GNA14: variants seen among roughly 807,000 people sequenced by gnomAD.
GNA14 encodes the protein G protein subunit alpha 14.
Under a neutral mutation model 42.0 loss-of-function variants are expected in GNA14, and 50 were observed. That is an observed-to-expected ratio of 1.19 (90% confidence interval 0.95 to 1.51). The LOEUF (loss-of-function observed/expected upper bound fraction) is 1.51. GNA14 is among the 40% of genes most tolerant of loss of function. The probability of loss-of-function intolerance (pLI) is 0.00; values close to 1 mark genes in which losing one functional copy is unlikely to be tolerated. For missense variants in GNA14, 473 were observed against 446.2 expected (o/e 1.06, Z -0.54); for synonymous variants, 173 against 163.1 (o/e 1.06, Z -0.46).
rs1294763694 is a variant in GNA14 at position 77,647,657 on chromosome 9, C to G, written c.124+13G>C. ...ACGCCCGGCTCACTGGAGTCGGAGA[C>G]GCAGCCACTCACCCAGCAGCAGCAG... On this transcript the variant is annotated intron_variant, in intron 1 of 6. Transcript: ENST00000341700. 8 of 1,605,232 alleles carry G rather than the reference C, an allele frequency of 5.0e-6. 1 individual carries two copies. The Admixed American group carries it at 1.4e-4, about 27-fold the overall frequency.
At chr9:77,430,672 T>A (rs1454266068) in intron 4 of GNA14, among the ~76,000 whole-genome samples, 1 of 152,192 alleles carries the variant, frequency 6.6e-6, no homozygotes, top group Non-Finnish European at 1.5e-5. Flanking sequence ...TGTGTGATAA[T>A]TGTTAGGAGG....
intron 2 of GNA14, among the ~76,000 whole-genome samples, chr9:77,475,489 C>T (rs772505211): frequency 3.3e-5 from 5 of 152,142 alleles, no homozygotes; most frequent in East Asian, 3.9e-4. Flanking sequence ...GGGGCTTAGG[C>T]CCTAGGAGAA....
rs549683293 is a variant in GNA14 at position 77,434,642 on chromosome 9, G to A, written c.310-120C>T. 6.3e-5 allele frequency: 52 copies of A among 821,102 alleles called. 1 individual carries two copies. The highest frequency in any genetic ancestry group is 6.0e-4 in the African/African-American group (35 of 58,270). 50.9% of individuals were successfully genotyped at this position (821,102 alleles called of 1,614,324 possible). ...GGAGAGCTCTCACTAGGCATGGGGC[G>A]TGGTGGGCACCCTCCCAGGGGCCGC... On this transcript the variant is annotated intron_variant, in intron 2 of 6. Transcript: ENST00000341700.
chr9:77,458,902 G>GGA (rs1384585496), intron 2 of GNA14, among the ~76,000 whole-genome samples: 1 of 111,470 alleles, frequency 9.0e-6, no homozygotes, highest in Non-Finnish European at 1.9e-5. Flanking sequence ...ATCACAAGCT[G>GGA]GAGGGGGGGG....
At chr9:77,640,370 T>C (rs1824238486) in intron 1 of GNA14, among the ~76,000 whole-genome samples, 1 of 152,188 alleles carries the variant, frequency 6.6e-6, no homozygotes, top group South Asian at 2.1e-4. Flanking sequence ...GACTTCCCAA[T>C]ATCATGAACT....
intron 1 of GNA14, among the ~76,000 whole-genome samples, chr9:77,581,033 C>A (rs1318257172): frequency 6.8e-6 from 1 of 146,872 alleles, no homozygotes; most frequent in Admixed American, 6.7e-5. Flanking sequence ...CACACACACA[C>A]ACACAATAGT....
At chr9:77,628,540 A>T (rs1363207435) in intron 1 of GNA14, among the ~76,000 whole-genome samples, 3 of 152,186 alleles carry the variant, frequency 2.0e-5, no homozygotes, top group Non-Finnish European at 4.4e-5. Flanking sequence ...CAAAACAGAT[A>T]TATAGATCAA....
chr9:77,440,357 C>G (rs1261603097), intron 2 of GNA14, among the ~76,000 whole-genome samples: 2 of 152,184 alleles, frequency 1.3e-5, no homozygotes, highest in Non-Finnish European at 2.9e-5. Context: ...GACCCAGAGC[C>G]CAGCGGGCAG....
intron 1 of GNA14, among the ~76,000 whole-genome samples, chr9:77,595,975 C>T (rs1164485743): frequency 6.6e-6 from 1 of 152,030 alleles, no homozygotes; most frequent in African/African-American, 2.4e-5. Context: ...ATAGAGATGG[C>T]ACACTGGGGC....
chr9:77,460,710 A>G (rs1836088527), intron 2 of GNA14, among the ~76,000 whole-genome samples: 1 of 152,110 alleles, frequency 6.6e-6, no homozygotes, highest in African/African-American at 2.4e-5. Context: ...CCAAAAAAGC[A>G]TCTTTAGCCA....
At chr9:77,474,895 C>G (rs1035815546) in intron 2 of GNA14, among the ~76,000 whole-genome samples, 64 of 151,972 alleles carry the variant, frequency 4.2e-4, no homozygotes, top group African/African-American at 1.3e-3. Flanking sequence ...AATCCAGTCA[C>G]GAATGGCCAC....
intron 2 of GNA14, among the ~76,000 whole-genome samples, chr9:77,441,530 A>AACTT (rs1239960391): frequency 6.6e-6 from 1 of 152,224 alleles, no homozygotes; most frequent in Non-Finnish European, 1.5e-5. Context: ...AGATAATAAA[A>AACTT]ACTTACTATT....
intron 2 of GNA14, among the ~76,000 whole-genome samples, chr9:77,461,445 G>C (rs1238720966): frequency 1.3e-5 from 2 of 152,180 alleles, no homozygotes; most frequent in Admixed American, 1.3e-4. Context: ...ATTCTAAAAA[G>C]TAAAAAACGG....
intron 3 of GNA14, among the ~76,000 whole-genome samples, chr9:77,433,771 C>CA (rs1835596606): frequency 6.6e-6 from 1 of 152,156 alleles, no homozygotes; most frequent in Admixed American, 6.6e-5. Flanking sequence ...TGTATGGATC[C>CA]AAAATACAGT....
chr9:77,524,100 T>C (rs1345750538), intron 2 of GNA14, among the ~76,000 whole-genome samples: 1 of 152,160 alleles, frequency 6.6e-6, no homozygotes, highest in Non-Finnish European at 1.5e-5. Context: ...TTCAAATTGC[T>C]CCCATAAAAC....
intron 6 of GNA14, among the ~76,000 whole-genome samples, chr9:77,425,286 G>A (rs1056409777): frequency 6.6e-6 from 1 of 152,152 alleles, no homozygotes; most frequent in African/African-American, 2.4e-5. Context: ...GGCTCCCAGA[G>A]AAGGGGAGGC....
intron 1 of GNA14, among the ~76,000 whole-genome samples, chr9:77,639,596 A>G (rs899027214): frequency 7.2e-5 from 11 of 152,240 alleles, no homozygotes; most frequent in Non-Finnish European, 1.5e-4. Flanking sequence ...GGTGATTTGC[A>G]GCTCTGCTGT....
intron 1 of GNA14, among the ~76,000 whole-genome samples, chr9:77,630,591 G>A (rs1824082041): frequency 6.6e-6 from 1 of 152,128 alleles, no homozygotes. Context: ...GAATTAATAA[G>A]TGAAGCAAAC....
chr9:77,506,880 T>C (rs1587806319), intron 2 of GNA14, among the ~76,000 whole-genome samples: 5 of 152,116 alleles, frequency 3.3e-5, no homozygotes, highest in African/African-American at 2.4e-5. Flanking sequence ...TACCTTTCAT[T>C]TGGGTTTCTG....
Sources: gnomAD v4.1 joint callset for allele counts (sites outside exome capture counted in the v4.1 genomes callset) on GRCh38, gnomAD v4.1.1 for gene constraint, MANE v1.5 for transcripts, NCBI Gene and HGNC (gene_info 2026-07-23, HGNC 2026-07-21) for gene names.